Variants in SMYD3 observed in about 807,000 individuals in gnomAD.
SMYD3 encodes histone-lysine N-methyltransferase SMYD3.
A neutral mutation model predicts 57.7 loss-of-function variants in SMYD3; 36 were observed. The ratio of observed to expected loss-of-function variants is 0.62; its 90% CI spans 0.48 to 0.82. The LOEUF (loss-of-function observed/expected upper bound fraction) is 0.82. Ranked by LOEUF, SMYD3 falls within the 40% of genes least tolerant of loss-of-function variation. The probability of loss-of-function intolerance (pLI) is 0.00; values close to 1 mark genes in which losing one functional copy is unlikely to be tolerated. For missense variants in SMYD3, 515 were observed against 538.8 expected (o/e 0.96, Z 0.44); for synonymous variants, 211 against 195.0 (o/e 1.08, Z -0.68).
chr1:245,834,433 T>C (rs186078897), intron 10 of SMYD3, among the ~76,000 whole-genome samples: 10 of 152,254 alleles, frequency 6.6e-5, no homozygotes, highest in South Asian at 6.2e-4. Flanking sequence ...TGCCTGCTCA[T>C]TGGACCACTG....
chr1:245,930,158 TGGG>T, intron 5 of SMYD3: 1 of 476,978 alleles, frequency 2.1e-6, no homozygotes, highest in Non-Finnish European at 3.9e-6. Flanking sequence ...ACCAACCTCC[TGGG>T]AGAAAAAAAA....
At chr1:246,280,077 T>C (rs995395758) in intron 5 of SMYD3, among the ~76,000 whole-genome samples, 1 of 152,168 alleles carries the variant, frequency 6.6e-6, no homozygotes, top group Non-Finnish European at 1.5e-5. Context: ...GAAAAGGCCA[T>C]TCATATCCAC....
chr1:245,797,473 C>T (rs2047576825), intron 10 of SMYD3, among the ~76,000 whole-genome samples: 1 of 137,210 alleles, frequency 7.3e-6, no homozygotes, highest in Non-Finnish European at 1.5e-5. Context: ...GGGAACTGAA[C>T]AATGAGAACG....
At chr1:246,445,067 G>A (rs1032725198) in intron 1 of SMYD3, among the ~76,000 whole-genome samples, 1 of 152,192 alleles carries the variant, frequency 6.6e-6, no homozygotes, top group African/African-American at 2.4e-5. Context: ...CAGTGATGAT[G>A]TTTTAAGTAT....
chr1:246,466,287 C>T (rs115896611), intron 1 of SMYD3, among the ~76,000 whole-genome samples: 1,599 of 152,294 alleles, frequency 0.01, 39 homozygotes, highest in African/African-American at 0.036. Context: ...AAATGCCCAT[C>T]AATGGTAGAA....
At chr1:246,056,711 T>G (rs2060157810) in intron 5 of SMYD3, among the ~76,000 whole-genome samples, 1 of 152,022 alleles carries the variant, frequency 6.6e-6, no homozygotes. Flanking sequence ...TTGATCATTA[T>G]GCATTATATA....
intron 10 of SMYD3, among the ~76,000 whole-genome samples, chr1:245,780,154 C>G (rs1428076400): frequency 6.6e-6 from 1 of 152,156 alleles, no homozygotes; most frequent in Non-Finnish European, 1.5e-5. Context: ...TATCATATGA[C>G]CTAGCAATTC....
At chr1:246,086,370 T>C (rs537048703) in intron 5 of SMYD3, among the ~76,000 whole-genome samples, 34 of 152,146 alleles carry the variant, frequency 2.2e-4, no homozygotes, top group Non-Finnish European at 3.8e-4. Context: ...GCCTAATAAA[T>C]GTTTGTATCT....
At chr1:245,848,308 G>A (rs1558417437) in intron 10 of SMYD3, among the ~76,000 whole-genome samples, 1 of 151,966 alleles carries the variant, frequency 6.6e-6, no homozygotes, top group African/African-American at 2.4e-5. Context: ...TCTTGGTAGA[G>A]ATAGGGTTTC....
At chr1:246,001,925 C>T (rs905918217) in intron 5 of SMYD3, among the ~76,000 whole-genome samples, 3 of 152,110 alleles carry the variant, frequency 2.0e-5, no homozygotes, top group Non-Finnish European at 2.9e-5. Flanking sequence ...ACAGATTCTC[C>T]GGCCGCCAGT....
intron 5 of SMYD3, among the ~76,000 whole-genome samples, chr1:246,317,603 C>G (rs1050548328): frequency 1.3e-5 from 2 of 152,174 alleles, no homozygotes; most frequent in African/African-American, 4.8e-5. Context: ...GTATTGTACA[C>G]GGGGCCTTTC....
intron 5 of SMYD3, among the ~76,000 whole-genome samples, chr1:246,131,903 A>G (rs1029482292): frequency 5.0e-5 from 7 of 140,542 alleles, no homozygotes; most frequent in African/African-American, 1.9e-4. Context: ...TCAGAAAAAG[A>G]CTATAATGTT....
chr1:245,777,903 T>C (rs116928599), intron 10 of SMYD3, among the ~76,000 whole-genome samples: 177 of 152,230 alleles, frequency 1.2e-3, no homozygotes, highest in East Asian at 0.011. Context: ...TTATAACACA[T>C]TATTTAAAAT....
chr1:245,864,740 TTAAC>T (rs1198187922), intron 8 of SMYD3, among the ~76,000 whole-genome samples: 7 of 146,498 alleles, frequency 4.8e-5, no homozygotes, highest in African/African-American at 1.7e-4. Flanking sequence ...ACTGTACACT[TTAAC>T]TGGGTGAATT....
In SMYD3 at chr1:245,794,102, T is replaced by C. The variant is rs568806775; in HGVS notation, c.1077-29953A>G. On this transcript the variant is annotated intron_variant, in intron 10 of 11. Coordinates refer to ENST00000490107, the MANE Select transcript of SMYD3 (RefSeq NM_001167740.2). ...TACTCTCCTTATCATTTTTACCTAG[T>C]ATTTTAGTTTCATCTTTCAGTCTCA... 2.6e-5 allele frequency among the ~76,000 whole-genome samples: 4 copies of C among 152,350 alleles called. No homozygotes were observed. In the South Asian group the frequency reaches 8.3e-4, roughly 32 times the overall value.
At chr1:245,882,044 C>T (rs2052807899) in intron 8 of SMYD3, among the ~76,000 whole-genome samples, 1 of 152,194 alleles carries the variant, frequency 6.6e-6, no homozygotes, top group South Asian at 2.1e-4. Context: ...TCAAGAGCTA[C>T]CTTCTGAAAA....
chr1:246,013,952 G>A (rs2059330729), intron 5 of SMYD3, among the ~76,000 whole-genome samples: 1 of 152,166 alleles, frequency 6.6e-6, no homozygotes, highest in Non-Finnish European at 1.5e-5. Context: ...AGAATACAGA[G>A]GAAAAAATTA....
intron 2 of SMYD3, among the ~76,000 whole-genome samples, chr1:246,350,040 C>T (rs573152725): frequency 4.6e-5 from 7 of 152,176 alleles, no homozygotes; most frequent in Non-Finnish European, 1.0e-4. Flanking sequence ...ACCCATTTTA[C>T]ATATAAATAG....
At chr1:246,359,608 AT>A (rs1202356430) in intron 1 of SMYD3, among the ~76,000 whole-genome samples, 2 of 152,170 alleles carry the variant, frequency 1.3e-5, no homozygotes, top group African/African-American at 2.4e-5. Context: ...CAAAAAGATA[AT>A]TCATCATGAT....
Sources: allele counts gnomAD v4.1 joint callset (sites outside exome capture counted in the v4.1 genomes callset), GRCh38; gene constraint gnomAD v4.1.1; transcripts MANE v1.5; gene names NCBI Gene and HGNC (gene_info 2026-07-23, HGNC 2026-07-21).